The following SPAG1 variants were observed in gnomAD, a reference collection of about 807,000 sequenced individuals.
SPAG1 encodes the protein sperm associated antigen 1, also known as sperm-associated antigen 1.
SPAG1 carries 69 observed loss-of-function variants against 100.5 expected under a neutral mutation model. The observed-to-expected ratio is 0.69, with a 90% CI of 0.57 to 0.84. The LOEUF (loss-of-function observed/expected upper bound fraction) is 0.84. SPAG1 is among the 40% of genes least tolerant of loss of function. The pLI is 0.00. For synonymous variants in SPAG1, 336 were observed against 411.6 expected (o/e 0.82, Z 2.22); for missense variants, 955 against 1,133.1 (o/e 0.84, Z 2.26).
Position 100,213,831 on chromosome 8 carries a change from C to T in SPAG1, c.1448C>T (p.Ala483Val). ...ATGTGATTTTTAGGAAGTGAAATTG[C>T]AGATGATCTAAGTATCTTATATTCA... Reference protein sequence around the residue: ...ALLEPAGSEIADDLSILYSNR... With the variant: ...ALLEPAGSEIVDDLSILYSNR... The change falls in exon 12 of 19, where the codon GCA becomes GTA. Residue 483 changes from alanine (A) to valine (V), a missense_variant. Physicochemically the swap from Ala to Val is moderately conservative, Grantham distance 64. Transcript: ENST00000388798. 6.4e-7 allele frequency: 1 copy of T among 1,569,814 alleles called. No individual in the cohort carries two copies. Among genetic ancestry groups the T allele is most frequent in the Admixed American group, 1.7e-5 (1 of 58,056 alleles).
chr8:100,220,234 G>T (rs1158997611), intron 12 of SPAG1, 45 bp from the exon 13 acceptor site: 1 of 1,537,976 alleles, frequency 6.5e-7, no homozygotes. Context: ...AAACGAAAGA[G>T]CATTTTTCAA....
intron 10 of SPAG1, among the ~76,000 whole-genome samples, chr8:100,206,013 G>C (rs1817492725): frequency 1.3e-5 from 1 of 76,262 alleles, no homozygotes; most frequent in African/African-American, 5.6e-5. Context: ...GTGAGACTCT[G>C]TCTCAAAAAA....
At position 100,241,611 on chromosome 8, in the gene SPAG1, C is replaced by A. The variant is rs1228093993; in HGVS notation, c.*589C>A. ...GGAAGCATTGCCTAATAATTAAGAACAAAAATTGCCAAAAATTTCTACCAC... is the reference window on the plus strand; with the variant it reads ...GGAAGCATTGCCTAATAATTAAGAAAAAAAATTGCCAAAAATTTCTACCAC... On this transcript the variant is annotated 3_prime_UTR_variant, in exon 19 of 19. Transcript: ENST00000388798. This position sits in a 1 kb window ranked among gnomAD's most constrained non-coding sequence, Gnocchi z 5.1. 6.6e-6 allele frequency: 1 copy of A among 152,108 alleles called. No homozygotes were observed. The highest frequency in any genetic ancestry group is 2.4e-5 in the African/African-American group (1 of 41,514). The allele number at this position is 152,108 out of a possible 1,614,324, so 9.4% of individuals were successfully genotyped here.
Position 100,239,757 on chromosome 8 carries a change from G to A in SPAG1, c.2280+353G>A, listed in dbSNP as rs150448516. Among the ~76,000 whole-genome samples the A allele has an allele frequency of 2.1e-3, 319 of 152,290 alleles. 4 individuals are homozygous for A. Among genetic ancestry groups the A allele is most frequent in the African/African-American group, 7.3e-3 (303 of 41,560 alleles). On this transcript the variant is annotated intron_variant, in intron 17 of 18. Coordinates refer to ENST00000388798, the MANE Select transcript of SPAG1 (RefSeq NM_003114.5). This position sits in a 1 kb window ranked among gnomAD's most constrained non-coding sequence, Gnocchi z 5.0. ...TGACGGGACTGATTTTGTTACAGGG[G>A]CCCTGAAAGCCTCACCTCATAGAGA...
At chr8:100,233,841 A>C (rs1401258750) in intron 16 of SPAG1, among the ~76,000 whole-genome samples, 2 of 152,208 alleles carry the variant, frequency 1.3e-5, no homozygotes, top group African/African-American at 4.8e-5. Context: ...TTGGTACTGA[A>C]TTACCGAAAC....
chr8:100,220,680 A>G (rs183264834), intron 13 of SPAG1, among the ~76,000 whole-genome samples: 1 of 152,204 alleles, frequency 6.6e-6, no homozygotes, highest in East Asian at 1.9e-4. Flanking sequence ...TTACTGTTCA[A>G]TCAGTATTTT....
intron 3 of SPAG1, among the ~76,000 whole-genome samples, chr8:100,170,832 TA>T (rs774205489): frequency 0.27 from 40,855 of 149,460 alleles, 6,711 homozygotes; most frequent in East Asian, 0.51. Flanking sequence ...TTTATTTATT[TA>T]TTTATTTATT....
Position 100,239,423 on chromosome 8 carries a change from C to G in SPAG1, c.2280+19C>G. ...TCAAGAGGTATTTGTATTTGATTAT[C>G]TTTGAAAGTACTCCTTTGGGGACCT... On this transcript the variant is annotated intron_variant, in intron 17 of 18. Coordinates refer to ENST00000388798, the MANE Select transcript of SPAG1 (RefSeq NM_003114.5). This position sits in a 1 kb window ranked among gnomAD's most constrained non-coding sequence, Gnocchi z 5.0. 1 of 1,490,884 alleles carries G rather than the reference C, an allele frequency of 6.7e-7. No individual in the cohort carries two copies. 92.4% of individuals were successfully genotyped at this position (1,490,884 alleles called of 1,614,324 possible).
At chr8:100,237,162 C>T (rs922248789) in intron 16 of SPAG1, among the ~76,000 whole-genome samples, 5 of 152,136 alleles carry the variant, frequency 3.3e-5, no homozygotes, top group South Asian at 4.1e-4. Context: ...CTCACTGCAA[C>T]CTCCACCTCC....
intron 12 of SPAG1, among the ~76,000 whole-genome samples, chr8:100,217,267 G>GT (rs1484769744): frequency 6.6e-6 from 1 of 152,076 alleles, no homozygotes; most frequent in Non-Finnish European, 1.5e-5. Context: ...CAGATAAGTG[G>GT]TATCAGGAGT....
At chr8:100,201,052 A>C (rs901374334) in intron 10 of SPAG1, among the ~76,000 whole-genome samples, 1 of 152,050 alleles carries the variant, frequency 6.6e-6, no homozygotes, top group Non-Finnish European at 1.5e-5. Context: ...ATATATAAGA[A>C]TCCATTGTCA....
At chr8:100,232,033 G>A (rs947760775) in intron 15 of SPAG1, among the ~76,000 whole-genome samples, 3 of 152,082 alleles carry the variant, frequency 2.0e-5, no homozygotes, top group African/African-American at 7.2e-5. Context: ...AGGCACCAGC[G>A]TCATTTATAG....
Position 100,194,105 on chromosome 8 carries a change from G to A in SPAG1, c.940-7G>A, listed in dbSNP as rs780727428. ...ATATTTTCTTTAATATGGTAATTAT[G>A]TTGCAGAAAACCTTGTCAGAGGTTG... On this transcript the variant is annotated splice_polypyrimidine_tract_variant and splice_region_variant and intron_variant, in intron 9 of 18. Transcript: ENST00000388798. 1.0e-5 allele frequency: 15 copies of A among 1,443,118 alleles called. No individual in the cohort carries two copies. The Admixed American group carries it at 1.4e-4, about 13-fold the overall frequency. 89.4% of individuals were successfully genotyped at this position (1,443,118 alleles called of 1,614,324 possible).
intron 3 of SPAG1, among the ~76,000 whole-genome samples, chr8:100,176,840 T>TCTCCTCTCCTCTCCG (rs1816146765): frequency 6.9e-6 from 1 of 143,936 alleles, no homozygotes; most frequent in Non-Finnish European, 1.5e-5. Context: ...TCTCCTCTCC[T>TCTCCTCTCCTCTCCG]CTTCTCTCTC....
chr8:100,220,996 C>T (rs966959751), intron 13 of SPAG1, among the ~76,000 whole-genome samples: 3 of 152,044 alleles, frequency 2.0e-5, no homozygotes, highest in Admixed American at 1.3e-4. Flanking sequence ...TTGTTTGAAC[C>T]CAGGCTGCGG....
chr8:100,230,071 C>T (rs1055209709), intron 14 of SPAG1, among the ~76,000 whole-genome samples: 20 of 152,172 alleles, frequency 1.3e-4, no homozygotes, highest in Admixed American at 2.0e-4. Context: ...ATAGACTCAT[C>T]CCTGAACAAT....
At chr8:100,205,087 C>T (rs1363191144) in intron 10 of SPAG1, among the ~76,000 whole-genome samples, 1 of 152,142 alleles carries the variant, frequency 6.6e-6, no homozygotes, top group Non-Finnish European at 1.5e-5. Flanking sequence ...ACTTCTAGGT[C>T]AAATGGACAA....
At chr8:100,160,709 G>A (rs1398150707) in intron 1 of SPAG1, among the ~76,000 whole-genome samples, 1 of 152,042 alleles carries the variant, frequency 6.6e-6, no homozygotes, top group African/African-American at 2.4e-5. Flanking sequence ...GAAGTAGGCA[G>A]GGAGTGGGAA....
At chr8:100,186,619 T>C (rs1454799934) in intron 7 of SPAG1, among the ~76,000 whole-genome samples, 1 of 152,200 alleles carries the variant, frequency 6.6e-6, no homozygotes, top group East Asian at 1.9e-4. Flanking sequence ...AATTGTATTT[T>C]ATTATTTTTG....
Sources: allele counts gnomAD v4.1 joint callset (sites outside exome capture counted in the v4.1 genomes callset), GRCh38; gene constraint gnomAD v4.1.1; non-coding constraint Gnocchi (gnomAD v3.1); transcripts MANE v1.5; gene names NCBI Gene and HGNC (gene_info 2026-07-23, HGNC 2026-07-21).